UGGT1: variants seen among roughly 807,000 people sequenced by gnomAD.
UGGT1 encodes the protein UDP-glucose glycoprotein glucosyltransferase 1, also known as UDP-glucose:glycoprotein glucosyltransferase 1.
UGGT1 carries 107 observed loss-of-function variants against 203.9 expected under a neutral mutation model. The observed-to-expected ratio is 0.52, with a 90% confidence interval of 0.45 to 0.62. UGGT1 has a LOEUF of 0.62. Among genes scored for constraint, UGGT1 ranks in the 20% least tolerant of loss-of-function variants. The pLI, the probability that UGGT1 is intolerant of heterozygous loss-of-function variation, is 0.00. For synonymous variants in UGGT1, 628 were observed against 653.5 expected (o/e 0.96, Z 0.59); for missense variants, 1,673 against 1,867.2 (o/e 0.90, Z 1.92).
intron 10 of UGGT1, among the ~76,000 whole-genome samples, 185 bp from the exon 11 acceptor site, chr2:128,123,001 A>G (rs1688451787): frequency 1.3e-5 from 2 of 152,208 alleles, no homozygotes; most frequent in Non-Finnish European, 2.9e-5. Context: ...TTGATTTTGT[A>G]TCTTACAAAA....
chr2:128,096,438 A>G (rs1424619068), intron 1 of UGGT1, among the ~76,000 whole-genome samples: 1 of 152,190 alleles, frequency 6.6e-6, no homozygotes, highest in Non-Finnish European at 1.5e-5. Flanking sequence ...TCTTTGGAGG[A>G]AGAATCTTTC....
intron 8 of UGGT1, among the ~76,000 whole-genome samples, chr2:128,118,020 AAG>A (rs1357095554): frequency 1.4e-4 from 17 of 122,962 alleles, no homozygotes; most frequent in African/African-American, 3.8e-4. Flanking sequence ...GAGAGAGGGA[AAG>A]AGAGAGAAAG....
At chr2:128,097,389 T>A (rs996651292) in intron 1 of UGGT1, 40 bp from the exon 2 acceptor site, 4 of 1,573,944 alleles carry the variant, frequency 2.5e-6, no homozygotes, top group African/African-American at 1.4e-5. Context: ...AAAAAAAAAA[T>A]TTCCTTGTAG....
At chr2:128,128,953 CA>C in intron 12 of UGGT1, 75 bp from the exon 13 acceptor site, 2 of 1,412,508 alleles carry the variant, frequency 1.4e-6, no homozygotes, top group South Asian at 3.0e-5. Context: ...TGAACTGATA[CA>C]TTTTTTTTCA....
At chr2:128,109,902 T>C (rs956285492) in intron 5 of UGGT1, among the ~76,000 whole-genome samples, 156 bp downstream of exon 5, 15 of 152,216 alleles carry the variant, frequency 9.9e-5, no homozygotes, top group African/African-American at 3.6e-4. Flanking sequence ...GAATCTCAGC[T>C]CCGTCACTTA....
intron 2 of UGGT1, among the ~76,000 whole-genome samples, chr2:128,098,570 A>T (rs1216255698): frequency 1.3e-5 from 2 of 152,146 alleles, no homozygotes; most frequent in African/African-American, 4.8e-5. Context: ...AGCCTGGGCA[A>T]CATGGGGAAA....
At chr2:128,183,139 T>G (rs1481241311) in intron 37 of UGGT1, among the ~76,000 whole-genome samples, 1 of 152,216 alleles carries the variant, frequency 6.6e-6, no homozygotes, top group Non-Finnish European at 1.5e-5. Context: ...GTGTGTGTGT[T>G]GTTACATTTC....
chr2:128,171,216 G>A lies in UGGT1; in HGVS notation c.3036G>A (p.Gln1012=), dbSNP rs767722829. 1 of 1,610,690 alleles carries A rather than the reference G, an allele frequency of 6.2e-7. No individual in the cohort carries two copies. The highest frequency in any genetic ancestry group is 1.1e-5 in the South Asian group (1 of 89,794). ...RLAPLLLVLA[Q]LINMNLRVFM... ...GGTTTTCCTTCTAGGTTTTGGCTCA[G>A]CTGATAAACATGAATCTGAGAGTAT... The change falls in exon 28 of 41, where the codon CAG becomes CAA. Residue 1012 remains glutamine (Q), a synonymous_variant. Coordinates refer to ENST00000259253, the MANE Select transcript of UGGT1 (RefSeq NM_020120.4).
chr2:128,170,461 A>C (rs1294395226), intron 27 of UGGT1, 71 bp downstream of exon 27: 3 of 1,402,036 alleles, frequency 2.1e-6, no homozygotes, highest in Non-Finnish European at 3.0e-6. Flanking sequence ...ATTCACTGAG[A>C]GCTTCGTTTT....
intron 12 of UGGT1, among the ~76,000 whole-genome samples, chr2:128,128,216 A>G (rs1688696047): frequency 6.6e-6 from 1 of 152,194 alleles, no homozygotes; most frequent in Admixed American, 6.5e-5. Flanking sequence ...TGGGGTGGGT[A>G]GCAGACAGGC....
Position 128,109,754 on chromosome 2 carries a change from A to G in UGGT1, c.521+8A>G. The G allele has an allele frequency of 1.2e-6, 2 of 1,605,188 alleles. No individual in the cohort carries two copies. Among genetic ancestry groups the G allele is most frequent in the Non-Finnish European group, 1.7e-6 (2 of 1,172,392 alleles). On this transcript the variant is annotated splice_region_variant and intron_variant, in intron 5 of 40. Transcript: ENST00000259253. ...ACTGACAGCCTCTGAAAGGTAGATT[A>G]TGTGTTTCTTTATTTTCATGTCATG...
intron 23 of UGGT1, among the ~76,000 whole-genome samples, chr2:128,159,954 A>T (rs1178814588): frequency 6.6e-6 from 1 of 152,268 alleles, no homozygotes; most frequent in African/African-American, 2.4e-5. Context: ...TTTGTTATGC[A>T]CAGTTTTTAA....
chr2:128,142,687 C>G (rs1455126879), intron 16 of UGGT1, among the ~76,000 whole-genome samples: 1 of 147,936 alleles, frequency 6.8e-6, no homozygotes, highest in African/African-American at 2.5e-5. Flanking sequence ...TTTGACCTTT[C>G]AAGAAAAGTA....
At chr2:128,185,542 T>C (rs772662245) in intron 38 of UGGT1, among the ~76,000 whole-genome samples, 5 of 146,380 alleles carry the variant, frequency 3.4e-5, no homozygotes, top group Non-Finnish European at 7.4e-5. Context: ...GATGCGATCA[T>C]GGCTCACTGC....
At chr2:128,180,787 A>G (rs1691656244) in intron 35 of UGGT1, 103 bp from the exon 36 acceptor site, 3 of 1,209,958 alleles carry the variant, frequency 2.5e-6, no homozygotes, top group East Asian at 2.5e-5. Flanking sequence ...GTTTTGGTAA[A>G]TGTGTTTTAT....
At chr2:128,172,545 T>C in intron 28 of UGGT1, 28 bp from the exon 29 acceptor site, 3 of 1,611,770 alleles carry the variant, frequency 1.9e-6, no homozygotes, top group Non-Finnish European at 2.5e-6. Context: ...CATCGAAAAT[T>C]ATCTAACACT....
chr2:128,093,051 G>A (rs4616425), intron 1 of UGGT1, among the ~76,000 whole-genome samples: 46,599 of 152,098 alleles, frequency 0.31, 8,595 homozygotes, highest in Non-Finnish European at 0.4. Flanking sequence ...AGATTCTTAC[G>A]TCTGCTTCTC....
chr2:128,170,732 A>C (rs1227694154), intron 27 of UGGT1, among the ~76,000 whole-genome samples: 1 of 152,222 alleles, frequency 6.6e-6, no homozygotes, highest in Non-Finnish European at 1.5e-5. Flanking sequence ...CCTTTTTTAT[A>C]ACTACCATGG....
intron 11 of UGGT1, among the ~76,000 whole-genome samples, chr2:128,124,770 G>T (rs1688534490): frequency 1.3e-5 from 2 of 151,748 alleles, no homozygotes; most frequent in African/African-American, 4.8e-5. Context: ...TAATTTTCAG[G>T]GGTTTTTTTT....
Sources: gnomAD v4.1 joint callset for allele counts (sites outside exome capture counted in the v4.1 genomes callset) on GRCh38, gnomAD v4.1.1 for gene constraint, MANE v1.5 for transcripts, NCBI Gene and HGNC (gene_info 2026-07-23, HGNC 2026-07-21) for gene names.